Variants in ZNF723 observed in about 807,000 individuals in gnomAD.
The protein encoded by ZNF723 is zinc finger protein 723, pseudogene.
A neutral mutation model predicts 9.4 loss-of-function variants in ZNF723; 5 were observed. The observed-to-expected ratio is 0.53, with a 90% CI of 0.28 to 1.12. The LOEUF (loss-of-function observed/expected upper bound fraction) is 1.12. Among genes scored for constraint, ZNF723 ranks in the 50% most tolerant of loss-of-function variants. ZNF723 has a pLI of 0.10. For synonymous variants in ZNF723, 158 were observed against 168.8 expected, an observed-to-expected ratio of 0.94 and a Z score of 0.49; for missense variants, 450 against 501.5, an observed-to-expected ratio of 0.90 and a Z score of 0.98.
At chr19:22,839,466 GT>G (rs34691832) in intron 1 of ZNF723, among the ~76,000 whole-genome samples, 17,898 of 124,230 alleles carry the variant, frequency 0.14, 588 homozygotes, top group East Asian at 0.16. Flanking sequence ...TTTTTTTTTG[GT>G]TTTTTTTTTT....
chr19:22,845,889 C>CCTTTTTTTTTTT (rs1967301363), intron 1 of ZNF723, among the ~76,000 whole-genome samples: 2 of 124,392 alleles, frequency 1.6e-5, no homozygotes, highest in African/African-American at 6.2e-5. Context: ...AAAAATATGC[C>CCTTTTTTTTTTT]TTTTTTTTTT....
At chr19:22,834,925 G>C (rs542941233) in intron 1 of ZNF723, among the ~76,000 whole-genome samples, 2 of 152,126 alleles carry the variant, frequency 1.3e-5, no homozygotes, top group East Asian at 3.9e-4. Context: ...GCACTCACTG[G>C]GGCATAGTGC....
upstream of ZNF723, among the ~76,000 whole-genome samples, chr19:22,827,782 G>A (rs1967053276): frequency 6.6e-6 from 1 of 152,014 alleles, no homozygotes; most frequent in Non-Finnish European, 1.5e-5. Flanking sequence ...AGTCAAAATA[G>A]TAGTCTCCCA....
chr19:22,812,757 C>G, the ZNF723 span, among the ~76,000 whole-genome samples: 1 of 152,004 alleles, frequency 6.6e-6, no homozygotes, highest in South Asian at 2.1e-4. Context: ...TTTAAAGGTA[C>G]GAAATTGACT....
chr19:22,822,111 A>C, the ZNF723 span, among the ~76,000 whole-genome samples: 1 of 151,990 alleles, frequency 6.6e-6, no homozygotes, highest in Admixed American at 6.6e-5. Context: ...ACTCCATCTC[A>C]AAAAAAATTA....
chr19:22,826,036 G>A, the ZNF723 span, among the ~76,000 whole-genome samples: 1 of 152,316 alleles, frequency 6.6e-6, no homozygotes, highest in South Asian at 2.1e-4. Flanking sequence ...TCACCTAGAT[G>A]ATGTGACTCT....
At chr19:22,853,792 T>C (rs1404158764) in intron 3 of ZNF723, among the ~76,000 whole-genome samples, 1 of 152,138 alleles carries the variant, frequency 6.6e-6, no homozygotes, top group Non-Finnish European at 1.5e-5. Context: ...TTTTGTATTT[T>C]TAGTAGAGAC....
At chr19:22,830,383 T>C (rs746483266), upstream of ZNF723, among the ~76,000 whole-genome samples, 3 of 152,210 alleles carry the variant, frequency 2.0e-5, no homozygotes, top group Non-Finnish European at 4.4e-5. Flanking sequence ...GCCCAGGCTG[T>C]ACTTGAACTC....
upstream of ZNF723, among the ~76,000 whole-genome samples, chr19:22,831,556 CA>C (rs113128380): frequency 0.014 from 2,045 of 141,054 alleles, 35 homozygotes; most frequent in African/African-American, 0.046. Context: ...GACTCCGTAT[CA>C]AAAAAAAAAA....
chr19:22,853,445 T>G (rs1298993044), intron 3 of ZNF723, among the ~76,000 whole-genome samples: 3 of 152,180 alleles, frequency 2.0e-5, no homozygotes, highest in Non-Finnish European at 4.4e-5. Context: ...AGTTTTTGAA[T>G]AGATGCATTC....
At chr19:22,837,484 T>G (rs1251155761) in intron 1 of ZNF723, among the ~76,000 whole-genome samples, 1 of 151,970 alleles carries the variant, frequency 6.6e-6, no homozygotes, top group Non-Finnish European at 1.5e-5. Flanking sequence ...TTGTTTGGTG[T>G]TAACAAACAA....
At chr19:22,827,323 G>A (rs1166996424), upstream of ZNF723, among the ~76,000 whole-genome samples, 2 of 152,184 alleles carry the variant, frequency 1.3e-5, no homozygotes, top group East Asian at 3.9e-4. Context: ...TGAACAGGCT[G>A]CTTGGTTGAA....
chr19:22,841,274 A>G (rs1190404207), intron 1 of ZNF723, among the ~76,000 whole-genome samples: 3 of 152,162 alleles, frequency 2.0e-5, no homozygotes, highest in East Asian at 3.9e-4. Context: ...TATAACCAAT[A>G]AGCTTACACC....
In ZNF723 at chr19:22,838,714, T is replaced by A. The variant is rs990312014; in HGVS notation, c.3+6332T>A. Among the ~76,000 whole-genome samples, 5 of 152,002 alleles carry A rather than the reference T, an allele frequency of 3.3e-5. No homozygotes were observed. The East Asian group carries it at 9.6e-4, about 29-fold the overall frequency. The stretch of plus-strand genomic sequence containing the variant: ...TATTTATATACTATATTTTTCTTTT[T>A]ATATAAATATTCTACTTTATTTTCT... On this transcript the variant is annotated intron_variant, in intron 1 of 3. Transcript: ENST00000600766.
At chr19:22,819,597 A>G in the ZNF723 span, among the ~76,000 whole-genome samples, 4 of 152,206 alleles carry the variant, frequency 2.6e-5, no homozygotes, top group Non-Finnish European at 5.9e-5. Flanking sequence ...TGATTTTGAC[A>G]TACAGCTGAT....
Position 22,841,971 on chromosome 19 carries a change from A to G in ZNF723, c.4-6290A>G, listed in dbSNP as rs566575614. Among the ~76,000 whole-genome samples, 3 of 152,096 alleles carry G rather than the reference A, an allele frequency of 2.0e-5. No individual in the cohort carries two copies. The South Asian group carries it at 6.2e-4, about 32-fold the overall frequency. ...AGAGAGACATTAAAATGAGAACACA[A>G]TTTTGTCTTTCTCCCACCTTTGAAC... On this transcript the variant is annotated intron_variant, in intron 1 of 3. Transcript: ENST00000600766.
rs58915045 is a variant in ZNF723, at chr19:22,833,947, TTC to T, written c.3+1566_3+1567del. Among the ~76,000 whole-genome samples the T allele has an allele frequency of 1.7e-3, 234 of 140,796 alleles. 1 individual carries two copies. The highest frequency in any genetic ancestry group is 3.1e-3 in the African/African-American group (104 of 33,408). 92.4% of individuals were successfully genotyped at this position (140,796 alleles called of 152,430 possible). A position where few individuals can be genotyped will look rare whatever the true frequency, so the allele number is the denominator to read the frequency against. ...CGTACTTTTTTTTTTTTTTTTTTTTTTCCGAGTCTCCTTCTGTTGCTCAGGCT... is the reference window on the plus strand; with the variant it reads ...CGTACTTTTTTTTTTTTTTTTTTTTTCGAGTCTCCTTCTGTTGCTCAGGCT... On this transcript the variant is annotated intron_variant, in intron 1 of 3. Coordinates refer to ENST00000600766, the MANE Select transcript of ZNF723 (RefSeq NM_001349726.2).
intron 1 of ZNF723, among the ~76,000 whole-genome samples, chr19:22,835,379 A>C (rs1385044151): frequency 2.0e-5 from 3 of 151,712 alleles, no homozygotes; most frequent in African/African-American, 4.8e-5. Flanking sequence ...TTGTTTGCTT[A>C]TATTGACTTC....
the ZNF723 span, among the ~76,000 whole-genome samples, chr19:22,825,112 G>A: frequency 1.3e-5 from 2 of 152,192 alleles, no homozygotes; most frequent in African/African-American, 4.8e-5. Context: ...TGATCACCTT[G>A]AGGTTCTGAA....
Sources: gnomAD v4.1 joint callset for allele counts (sites outside exome capture counted in the v4.1 genomes callset) on GRCh38, gnomAD v4.1.1 for gene constraint, MANE v1.5 for transcripts, NCBI Gene and HGNC (gene_info 2026-07-23, HGNC 2026-07-21) for gene names.